Variants in PDE1C observed in about 807,000 individuals in gnomAD.
PDE1C encodes dual specificity calcium/calmodulin-dependent 3',5'-cyclic nucleotide phosphodiesterase 1C.
In PDE1C, 62 loss-of-function variants were observed where a neutral mutation model predicts 93.1. The observed-to-expected ratio is 0.67, with a 90% confidence interval of 0.54 to 0.82. The LOEUF is 0.82. Ranked by LOEUF, PDE1C falls within the 40% of genes least tolerant of loss-of-function variation. The probability of loss-of-function intolerance (pLI) is 0.00; values close to 1 mark genes in which losing one functional copy is unlikely to be tolerated. For synonymous variants in PDE1C, 325 were observed against 310.1 expected (o/e 1.05, Z -0.50); for missense variants, 742 against 884.6 (o/e 0.84, Z 2.04).
At chr7:31,797,860 T>C (rs757982084) in intron 16 of PDE1C, among the ~76,000 whole-genome samples, 6 of 151,720 alleles carry the variant, frequency 4.0e-5, no homozygotes, top group Non-Finnish European at 8.8e-5. Flanking sequence ...CTCCAAGATA[T>C]TAACACATCT....
At position 32,032,268 on chromosome 7, in the gene PDE1C, C is replaced by T. The variant is rs1048511234; in HGVS notation, c.128+19286G>A. ...GTTATTTTGGAGGAGGAGGTGGAGA[C>T]CTCATGTTCTAAAGAGGAAAACAAA... On this transcript the variant is annotated intron_variant, in intron 2 of 17. Coordinates refer to ENST00000396191, the MANE Select transcript of PDE1C (RefSeq NM_001191057.4). Among the ~76,000 whole-genome samples the T allele has an allele frequency of 5.9e-5, 9 of 152,258 alleles. No homozygotes were observed. In the East Asian group the frequency reaches 1.5e-3, roughly 26 times the overall value.
chr7:31,656,507 A>G, the PDE1C span: 1 of 969,056 alleles, frequency 1.0e-6, no homozygotes, highest in Non-Finnish European at 1.2e-6. Context: ...AACTGTAATT[A>G]CTGTCTTCCT....
At chr7:31,987,630 T>G (rs1247374045) in intron 2 of PDE1C, among the ~76,000 whole-genome samples, 1 of 152,218 alleles carries the variant, frequency 6.6e-6, no homozygotes, top group Non-Finnish European at 1.5e-5. Context: ...AAATATCCCC[T>G]TCCCTAATAA....
chr7:31,624,555 A>C, the PDE1C span, among the ~76,000 whole-genome samples: 1 of 134,658 alleles, frequency 7.4e-6, no homozygotes, highest in Admixed American at 7.9e-5. Context: ...GTGCTGGGAA[A>C]ACTGGCTAGC....
intron 3 of PDE1C, among the ~76,000 whole-genome samples, chr7:32,148,289 A>C (rs1454990063): frequency 6.6e-6 from 1 of 152,168 alleles, no homozygotes; most frequent in East Asian, 1.9e-4. Context: ...CAGTGAATTC[A>C]TTTAACATAT....
intron 1 of PDE1C, among the ~76,000 whole-genome samples, chr7:32,055,230 T>C (rs1793910921): frequency 6.6e-6 from 1 of 152,228 alleles, no homozygotes; most frequent in Non-Finnish European, 1.5e-5. Context: ...TGATTTATAA[T>C]GAGCAGTGAG....
chr7:32,043,476 C>A (rs919614166), intron 2 of PDE1C, among the ~76,000 whole-genome samples: 1 of 152,142 alleles, frequency 6.6e-6, no homozygotes, highest in Admixed American at 6.5e-5. Flanking sequence ...GCACTTCGGT[C>A]TTATTAGGCA....
chr7:31,972,776 G>A (rs139183636), intron 2 of PDE1C, among the ~76,000 whole-genome samples: 479 of 152,270 alleles, frequency 3.1e-3, no homozygotes, highest in Middle Eastern at 0.02. Flanking sequence ...GATGTCCCAG[G>A]TAGGTGCTTC....
chr7:31,656,087 G>C, the PDE1C span: 1 of 903,476 alleles, frequency 1.1e-6, no homozygotes, highest in Non-Finnish European at 1.3e-6. Context: ...TTGATGATCT[G>C]TGGCAGAAGT....
chr7:32,032,637 A>C lies in PDE1C; in HGVS notation c.128+18917T>G, dbSNP rs575121821. ...ATTCCTGCTTCTATTATTATAGATA[A>C]AAACCTACCATCTTATGGTCACATG... On this transcript the variant is annotated intron_variant, in intron 2 of 17. Coordinates refer to ENST00000396191, the MANE Select transcript of PDE1C (RefSeq NM_001191057.4). Among the ~76,000 whole-genome samples the C allele has an allele frequency of 1.9e-4, 29 of 152,266 alleles. No homozygotes were observed. The East Asian group carries it at 5.2e-3, about 27-fold the overall frequency.
chr7:31,836,279 C>T (rs1320158162), intron 11 of PDE1C, among the ~76,000 whole-genome samples: 1 of 152,068 alleles, frequency 6.6e-6, no homozygotes, highest in African/African-American at 2.4e-5. Context: ...TTCTCTAGTT[C>T]CATGCAATTT....
chr7:32,407,199 C>T (rs867373786), intron 1 of PDE1C, among the ~76,000 whole-genome samples: 5 of 152,042 alleles, frequency 3.3e-5, no homozygotes, highest in African/African-American at 4.8e-5. Context: ...CACTTGAACC[C>T]GGGAAGCAGA....
At chr7:31,704,248 C>T in the PDE1C span, among the ~76,000 whole-genome samples, 1 of 152,160 alleles carries the variant, frequency 6.6e-6, no homozygotes, top group Non-Finnish European at 1.5e-5. Context: ...AGAACTTTCT[C>T]TCTAGTGTGA....
At chr7:31,862,717 T>G (rs564765304) in intron 7 of PDE1C, among the ~76,000 whole-genome samples, 20 of 152,342 alleles carry the variant, frequency 1.3e-4, no homozygotes, top group African/African-American at 4.8e-4. Flanking sequence ...AGTTAGGATT[T>G]CAGCAGAGGA....
intron 1 of PDE1C, among the ~76,000 whole-genome samples, chr7:32,213,322 CA>C (rs1562586444): frequency 6.6e-6 from 1 of 152,184 alleles, no homozygotes; most frequent in African/African-American, 2.4e-5. Context: ...AGCCATGGAT[CA>C]ACACTGAGAT....
intron 1 of PDE1C, among the ~76,000 whole-genome samples, chr7:32,392,301 A>T (rs1285443957): frequency 1.3e-5 from 2 of 152,220 alleles, no homozygotes; most frequent in Admixed American, 6.5e-5. Context: ...CATAGTAGAG[A>T]TCTTCCCAGA....
chr7:32,328,313 C>T (rs1246573919), intron 1 of PDE1C, among the ~76,000 whole-genome samples: 1 of 152,162 alleles, frequency 6.6e-6, no homozygotes, highest in African/African-American at 2.4e-5. Context: ...ACTTTTGCCT[C>T]CCTCCAATCC....
chr7:32,002,662 AC>A (rs1785631357), intron 2 of PDE1C, among the ~76,000 whole-genome samples: 1 of 151,776 alleles, frequency 6.6e-6, no homozygotes, highest in African/African-American at 2.4e-5. Context: ...CACACACACC[AC>A]CCCCATCCCA....
At position 32,316,267 on chromosome 7, in the gene PDE1C, C is replaced by T. The variant is rs11772233; in HGVS notation, c.311-106728G>A. Among the ~76,000 whole-genome samples, 937 of 152,298 alleles carry T rather than the reference C, an allele frequency of 6.2e-3. 4 individuals are homozygous for T. Among genetic ancestry groups the T allele is most frequent in the Non-Finnish European group, 9.9e-3 (676 of 68,028 alleles). ...AACCTGGAAATTACATGTCAACTTT[C>T]TAAGTCAGGAATGCACTGTAACTAT... On this transcript the variant is annotated intron_variant, in intron 1 of 1. Coordinates refer to the PDE1C transcript ENST00000672256.
Sources: allele counts gnomAD v4.1 joint callset (sites outside exome capture counted in the v4.1 genomes callset), GRCh38; gene constraint gnomAD v4.1.1; transcripts MANE v1.5; gene names NCBI Gene and HGNC (gene_info 2026-07-23, HGNC 2026-07-21).